Variants in BMX observed in about 807,000 individuals in gnomAD.
The protein encoded by BMX is cytoplasmic tyrosine-protein kinase BMX.
In BMX, 31 loss-of-function variants were observed where a neutral mutation model predicts 59.2. That is an observed-to-expected ratio of 0.52 (90% CI 0.39 to 0.71). The LOEUF (loss-of-function observed/expected upper bound fraction) is 0.71. Ranked by LOEUF, BMX falls within the 30% of genes least tolerant of loss-of-function variation. The pLI, the probability that BMX is intolerant of heterozygous loss-of-function variation, is 0.00. For synonymous variants in BMX, 185 were observed against 181.0 expected, an observed-to-expected ratio of 1.02 and a Z score of -0.18; for missense variants, 474 against 491.7, an observed-to-expected ratio of 0.96 and a Z score of 0.34.
At chrX:15,527,279 TATATACAC>T (rs1924825134) in intron 9 of BMX, among the ~76,000 whole-genome samples, 3 of 53,020 alleles carry the variant, frequency 5.7e-5, no homozygotes, top group African/African-American at 2.4e-4. Context: ...TATATATATA[TATATACAC>T]ACACACACAC....
intron 17 of BMX, among the ~76,000 whole-genome samples, chrX:15,547,885 G>A (rs1404780478): frequency 9.0e-6 from 1 of 111,655 alleles, no homozygotes; most frequent in Non-Finnish European, 1.9e-5. Flanking sequence ...ATCCAAATGT[G>A]ACTGAGACCT....
intron 1 of BMX, among the ~76,000 whole-genome samples, chrX:15,505,443 G>A: frequency 8.9e-6 from 1 of 111,782 alleles, no homozygotes; most frequent in East Asian, 2.8e-4. Context: ...TTTGTTACAC[G>A]AGAACAACAT....
At chrX:15,504,391 A>G (rs968019805) in intron 1 of BMX, among the ~76,000 whole-genome samples, 4 of 111,850 alleles carry the variant, frequency 3.6e-5, no homozygotes, top group Non-Finnish European at 7.5e-5. Flanking sequence ...CACAGTTTAC[A>G]AATGACAGTT....
At chrX:15,507,386 T>C (rs1602322628) in intron 1 of BMX, 1 of 753,920 alleles carries the variant, frequency 1.3e-6, no homozygotes, top group Non-Finnish European at 1.6e-6. Flanking sequence ...CCCACATGTA[T>C]ACTTCGGCTC....
chrX:15,528,544 A>T (rs908160883), intron 9 of BMX, among the ~76,000 whole-genome samples: 1 of 110,681 alleles, frequency 9.0e-6, no homozygotes, highest in Non-Finnish European at 1.9e-5. Context: ...TGTAGTCCCA[A>T]CTACTTGGGA....
chrX:15,533,127 G>C (rs778754866), intron 11 of BMX, among the ~76,000 whole-genome samples: 19 of 112,481 alleles, frequency 1.7e-4, no homozygotes, highest in Non-Finnish European at 3.2e-4. Context: ...GCAAAGAGAA[G>C]AACCATTTCT....
chrX:15,531,826 T>C (rs1191602988), intron 11 of BMX, among the ~76,000 whole-genome samples: 1 of 61,580 alleles, frequency 1.6e-5, no homozygotes, highest in Non-Finnish European at 3.4e-5. Context: ...GTCCAGTTCT[T>C]AGTAAGCCCT....
chrX:15,522,285 A>C lies in BMX; in HGVS notation c.511-61A>C. 4.3e-6 allele frequency: 5 copies of C among 1,164,821 alleles called. No individual in the cohort carries two copies. In the Admixed American group the frequency reaches 1.2e-4, roughly 28 times the overall value. ...TCAAGAGCTGATATACTTAATTGTCAGTTCCCGGTACCTGAATCTGTGCCT... is the reference window on the plus strand; with the variant it reads ...TCAAGAGCTGATATACTTAATTGTCCGTTCCCGGTACCTGAATCTGTGCCT... On this transcript the variant is annotated intron_variant, in intron 6 of 18. Coordinates refer to ENST00000348343, the MANE Select transcript of BMX (RefSeq NM_203281.3).
intron 18 of BMX, among the ~76,000 whole-genome samples, chrX:15,551,515 TTGTG>T (rs200706735): frequency 1.1e-5 from 1 of 90,096 alleles, no homozygotes; most frequent in African/African-American, 4.1e-5. Flanking sequence ...GTTATTAATA[TTGTG>T]TGTGTGTGTG....
chrX:15,520,015 C>G, intron 6 of BMX, among the ~76,000 whole-genome samples: 1 of 111,908 alleles, frequency 8.9e-6, no homozygotes, highest in African/African-American at 3.2e-5. Flanking sequence ...AATATCCAAA[C>G]CATAGCAACT....
intron 18 of BMX, among the ~76,000 whole-genome samples, chrX:15,553,124 AC>A (rs767556208): frequency 2.7e-4 from 30 of 112,064 alleles, no homozygotes; most frequent in African/African-American, 9.7e-4. Flanking sequence ...GTTTCAGAGG[AC>A]CTGGATAAAT....
chrX:15,501,914 A>T, intron 1 of BMX, among the ~76,000 whole-genome samples: 1 of 111,912 alleles, frequency 8.9e-6, no homozygotes, highest in South Asian at 3.7e-4. Context: ...ATTTTCTCCT[A>T]TACCCAGGAG....
chrX:15,537,349 AGGG>A (rs1480198015), intron 14 of BMX, 44 bp downstream of exon 14: 2 of 1,194,451 alleles, frequency 1.7e-6, no homozygotes, highest in African/African-American at 3.5e-5. Flanking sequence ...TCATCATGGG[AGGG>A]CATTAGCACT....
At chrX:15,507,246 T>C (rs2147102423) in intron 1 of BMX, 1 of 628,562 alleles carries the variant, frequency 1.6e-6, no homozygotes, top group East Asian at 1.6e-4. Context: ...TGCTTCCTGA[T>C]CAAGACTGAT....
In BMX at chrX:15,509,562, A is replaced by G. The variant is rs900344065; in HGVS notation, c.243+129A>G. 6 of 463,967 alleles carry G rather than the reference A, an allele frequency of 1.3e-5. No homozygotes were observed. In the African/African-American group the frequency reaches 1.5e-4, roughly 12 times the overall value. 38.2% of individuals were successfully genotyped at this position (463,967 alleles called of 1,213,427 possible). ...TAAACAAGGCTTGGAATATTCCCAC[A>G]TGGGAGTTGGGCATTTTGCTAAAAT... On this transcript the variant is annotated intron_variant, in intron 3 of 18. Transcript: ENST00000348343.
chrX:15,523,472 T>C (rs144939417), intron 7 of BMX, among the ~76,000 whole-genome samples: 4,215 of 112,461 alleles, frequency 0.037, 181 homozygotes, highest in African/African-American at 0.13. Context: ...CAGGGCCATA[T>C]GGAATTTGAA....
chrX:15,522,293 G>C, intron 6 of BMX, 53 bp from the exon 7 acceptor site: 1 of 1,177,922 alleles, frequency 8.5e-7, no homozygotes, highest in Non-Finnish European at 1.1e-6. Flanking sequence ...TCAGTTCCCG[G>C]TACCTGAATC....
At position 15,525,273 on chromosome X, in the gene BMX, G is replaced by A. The variant is rs766169428; in HGVS notation, c.753-15G>A. 8.3e-7 allele frequency: 1 copy of A among 1,201,173 alleles called. No homozygotes were observed. Among genetic ancestry groups the A allele is most frequent in the Non-Finnish European group, 1.1e-6 (1 of 888,520 alleles). ...ACATATGTTTATAAACTTATAAAAT[G>A]TCTCTTTTTTGCAGTAGCAGCAGCA... On this transcript the variant is annotated splice_polypyrimidine_tract_variant and intron_variant, in intron 7 of 18. Coordinates refer to ENST00000348343, the MANE Select transcript of BMX (RefSeq NM_203281.3).
At chrX:15,512,979 A>G (rs1282729722) in intron 4 of BMX, among the ~76,000 whole-genome samples, 1 of 111,902 alleles carries the variant, frequency 8.9e-6, no homozygotes, top group Non-Finnish European at 1.9e-5. Flanking sequence ...AGAAAGAAGC[A>G]AAAACACATC....
Sources: allele counts gnomAD v4.1 joint callset (sites outside exome capture counted in the v4.1 genomes callset), GRCh38; gene constraint gnomAD v4.1.1; transcripts MANE v1.5; gene names NCBI Gene and HGNC (gene_info 2026-07-23, HGNC 2026-07-21).